LMO7: variants seen among roughly 807,000 people sequenced by gnomAD.
The protein encoded by LMO7 is LIM domain only protein 7.
In LMO7, 120 loss-of-function variants were observed where a neutral mutation model predicts 206.5. That is an observed-to-expected ratio of 0.58 (90% CI 0.50 to 0.68). LMO7 has a LOEUF of 0.68. LMO7 is among the 30% of genes least tolerant of loss of function. LMO7 has a pLI of 0.00. For synonymous variants in LMO7, 706 were observed against 681.5 expected, an observed-to-expected ratio of 1.04 and a Z score of -0.56; for missense variants, 1,959 against 1,957.9, an observed-to-expected ratio of 1.00 and a Z score of -0.01.
At chr13:75,787,222 T>C (rs1361314386) in intron 4 of LMO7, among the ~76,000 whole-genome samples, 1 of 152,212 alleles carries the variant, frequency 6.6e-6, no homozygotes, top group Non-Finnish European at 1.5e-5. Context: ...GTTTACCGTC[T>C]AATGGGGAGA....
At chr13:75,844,369 A>G (rs1335168853) in intron 25 of LMO7, among the ~76,000 whole-genome samples, 4 of 150,584 alleles carry the variant, frequency 2.7e-5, no homozygotes, top group African/African-American at 9.7e-5. Flanking sequence ...AATGTATATT[A>G]TATATTGTCA....
chr13:75,804,750 G>T, intron 8 of LMO7: 1 of 1,026,066 alleles, frequency 9.7e-7, no homozygotes, highest in Non-Finnish European at 1.3e-6. Flanking sequence ...GATTTGCTAG[G>T]TCTTTTTTTA....
At chr13:75,677,550 G>A (rs185387851) in intron 1 of LMO7, among the ~76,000 whole-genome samples, 35 of 151,812 alleles carry the variant, frequency 2.3e-4, no homozygotes, top group African/African-American at 8.5e-4. Flanking sequence ...ACATAATCCA[G>A]CCAAATTTCC....
At chr13:75,822,903 A>C (rs2057749272) in intron 14 of LMO7, among the ~76,000 whole-genome samples, 1 of 150,826 alleles carries the variant, frequency 6.6e-6, no homozygotes, top group African/African-American at 2.4e-5. Context: ...TAAAAGTTCC[A>C]ATTATAAAGA....
chr13:75,832,508 T>A (rs2058755997), intron 15 of LMO7, among the ~76,000 whole-genome samples: 1 of 152,148 alleles, frequency 6.6e-6, no homozygotes, highest in South Asian at 2.1e-4. Context: ...TCATGTGGCA[T>A]TTGGGCAAGC....
At chr13:75,654,568 G>C (rs189423943) in intron 1 of LMO7, among the ~76,000 whole-genome samples, 6 of 152,068 alleles carry the variant, frequency 3.9e-5, no homozygotes, top group African/African-American at 7.2e-5. Context: ...TGTGGCGTGT[G>C]GGGGGTTAGA....
chr13:75,833,038 G>A lies in LMO7; in HGVS notation c.2950-13G>A, dbSNP rs758983521. The A allele has an allele frequency of 2.0e-5, 31 of 1,513,648 alleles. No individual in the cohort carries two copies. The highest frequency in any genetic ancestry group is 2.7e-5 in the Non-Finnish European group (29 of 1,089,060). The allele number at this position is 1,513,648 out of a possible 1,614,324, so 93.8% of individuals were successfully genotyped here. ...GGGACACCGGATACCAGCGTTTCAT[G>A]TTTTGTTTTCAGGATCAGTTCAGTG... On this transcript the variant is annotated splice_polypyrimidine_tract_variant and intron_variant, in intron 15 of 30. Transcript: ENST00000377534.
rs75375399 is a variant in LMO7 at position 75,856,529 on chromosome 13, C to T, written c.4794C>T (p.Leu1598=). 1,030 of 1,609,800 alleles carry T rather than the reference C, an allele frequency of 6.4e-4. 4 individuals are homozygous for T. In the East Asian group the frequency reaches 0.017, roughly 27 times the overall value. The change falls in exon 30 of 31, where the codon CTC becomes CTT. Residue 1598 remains leucine (L), a synonymous_variant. Transcript: ENST00000377534. ...AGTGTGTTGCCTGTGAGTGTGACCT[C>T]GGAGGCTCTTCCTCAGGAGCTGAAG... is the stretch of plus-strand genomic sequence containing the variant. The part of the protein sequence containing the change: ...CFKCVACECD[L]GGSSSGAEVR...
At chr13:75,844,173 C>T (rs896292293) in intron 25 of LMO7, among the ~76,000 whole-genome samples, 1 of 152,084 alleles carries the variant, frequency 6.6e-6, no homozygotes, top group African/African-American at 2.4e-5. Context: ...ATAAAGCATG[C>T]CCTAGAGGCA....
intron 15 of LMO7, among the ~76,000 whole-genome samples, chr13:75,832,276 T>C (rs2138877124): frequency 6.6e-6 from 1 of 152,304 alleles, no homozygotes; most frequent in East Asian, 1.9e-4. Flanking sequence ...ATTTGGAATT[T>C]GTTGTGTAGT....
At chr13:75,735,451 A>G (rs928348077) in intron 3 of LMO7, among the ~76,000 whole-genome samples, 2 of 152,136 alleles carry the variant, frequency 1.3e-5, no homozygotes, top group African/African-American at 2.4e-5. Flanking sequence ...AAAAAAATTT[A>G]GTTTTTGAAG....
At chr13:75,680,949 C>A (rs1260053904) in intron 1 of LMO7, among the ~76,000 whole-genome samples, 1 of 151,950 alleles carries the variant, frequency 6.6e-6, no homozygotes, top group Non-Finnish European at 1.5e-5. Context: ...TGTTCATTGG[C>A]TGCATAAATG....
chr13:75,695,529 T>C (rs1020574760), intron 1 of LMO7, among the ~76,000 whole-genome samples: 3 of 152,220 alleles, frequency 2.0e-5, no homozygotes, highest in African/African-American at 7.2e-5. Flanking sequence ...GTATTTTTAA[T>C]AGAGACGGGG....
chr13:75,686,972 C>T (rs1369127982), intron 1 of LMO7, among the ~76,000 whole-genome samples: 3 of 152,058 alleles, frequency 2.0e-5, no homozygotes, highest in Admixed American at 6.5e-5. Context: ...GATGAGGTCT[C>T]CATTCTCATG....
At chr13:75,804,767 T>C (rs1170692100) in intron 8 of LMO7, 1 of 1,066,842 alleles carries the variant, frequency 9.4e-7, no homozygotes, top group Non-Finnish European at 1.2e-6. Context: ...TTTAGATGCA[T>C]GACTTCAGTT....
chr13:75,839,514 C>G (rs969852173), intron 20 of LMO7, among the ~76,000 whole-genome samples: 2 of 152,082 alleles, frequency 1.3e-5, no homozygotes, highest in African/African-American at 4.8e-5. Context: ...TAAGACTGTA[C>G]CCATAAGTTT....
chr13:75,694,533 C>T (rs775611187), intron 1 of LMO7, among the ~76,000 whole-genome samples: 3 of 152,228 alleles, frequency 2.0e-5, no homozygotes, highest in Non-Finnish European at 2.9e-5. Context: ...TAAGGCAGAA[C>T]AATCCATAGG....
chr13:75,724,673 A>G (rs2044314155), intron 2 of LMO7, among the ~76,000 whole-genome samples: 1 of 152,096 alleles, frequency 6.6e-6, no homozygotes. Context: ...TATAAGACCC[A>G]TTGTTTTTCT....
chr13:75,821,484 C>T lies in LMO7; in HGVS notation c.2515C>T (p.Arg839Cys), dbSNP rs9593132. ...RSRSTQMEST[R>C]VSASLPRSYR... ...ACGGAGCACACAAATGGAATCAACT[C>T]GTGTTTCAGCTTCTCTCCCCAGAAG... Residue 839 changes from arginine (R) to cysteine (C), a missense_variant, in exon 14 of 31, where the codon CGT becomes TGT. Arg to Cys is a radical substitution (Grantham distance 180). Transcript: ENST00000377534. The T allele has an allele frequency of 0.052, 83,225 of 1,614,036 alleles. 2,664 individuals carry two copies. Among genetic ancestry groups the T allele is most frequent in the East Asian group, 0.12 (5,371 of 44,882 alleles).
Sources: gnomAD v4.1 joint callset for allele counts (sites outside exome capture counted in the v4.1 genomes callset) on GRCh38, gnomAD v4.1.1 for gene constraint, MANE v1.5 for transcripts, NCBI Gene and HGNC (gene_info 2026-07-23, HGNC 2026-07-21) for gene names.